The following ZFAND3 variants were observed in gnomAD, a reference collection of about 807,000 sequenced individuals.
ZFAND3 encodes zinc finger AN1-type containing 3.
In ZFAND3, 10 loss-of-function variants were observed where a neutral mutation model predicts 29.6. The ratio of observed to expected loss-of-function variants is 0.34; its 90% CI spans 0.21 to 0.57. ZFAND3 has a LOEUF of 0.57. Among genes scored for constraint, ZFAND3 ranks in the 20% least tolerant of loss-of-function variants. ZFAND3 has a pLI of 0.86. For synonymous variants in ZFAND3, 128 were observed against 112.6 expected (o/e 1.14, Z -0.87); for missense variants, 230 against 304.5 (o/e 0.76, Z 1.82).
At chr6:37,973,968 C>T (rs1163857332) in intron 2 of ZFAND3, among the ~76,000 whole-genome samples, 2 of 152,172 alleles carry the variant, frequency 1.3e-5, no homozygotes, top group Non-Finnish European at 2.9e-5. Context: ...AGTTTATTGC[C>T]TATCTGCAGG....
chr6:37,891,214 T>TTCATCTGTGTTGTAGCCTG (rs1278215270), intron 1 of ZFAND3, among the ~76,000 whole-genome samples: 2 of 152,204 alleles, frequency 1.3e-5, no homozygotes, highest in African/African-American at 4.8e-5. Flanking sequence ...GTTTTCTAAG[T>TTCATCTGTGTTGTAGCCTG]TCATCTGTGT....
rs1294051266 is a variant in ZFAND3 at position 37,854,963 on chromosome 6, TG to T, written c.71+34948del. 1.1e-4 allele frequency among the ~76,000 whole-genome samples: 13 copies of T among 119,868 alleles called. No individual in the cohort carries two copies. The East Asian group carries it at 1.3e-3, about 12-fold the overall frequency. The allele number at this position is 119,868 out of a possible 152,430, so 78.6% of individuals were successfully genotyped here. On this transcript the variant is annotated intron_variant, in intron 1 of 5. Transcript: ENST00000287218. ...AAGGTTACAGGAGAAAAATAATAGGTGTTTTTTTTTTTTTTTTTTTTTTGGT... is the reference window on the plus strand; with the variant it reads ...AAGGTTACAGGAGAAAAATAATAGGTTTTTTTTTTTTTTTTTTTTTTTGGT...
intron 1 of ZFAND3, among the ~76,000 whole-genome samples, chr6:37,874,835 A>T (rs1347746295): frequency 6.6e-6 from 1 of 152,146 alleles, no homozygotes; most frequent in Non-Finnish European, 1.5e-5. Context: ...TCAGCCTCCC[A>T]AAGTGCTGGT....
intron 2 of ZFAND3, among the ~76,000 whole-genome samples, chr6:38,033,019 G>C (rs1161394573): frequency 6.6e-6 from 1 of 152,038 alleles, no homozygotes; most frequent in Non-Finnish European, 1.5e-5. Context: ...GTTACTTTGT[G>C]GGCTAAAGCT....
chr6:37,919,219 A>C (rs1028294101), intron 1 of ZFAND3, among the ~76,000 whole-genome samples: 3 of 152,172 alleles, frequency 2.0e-5, no homozygotes, highest in African/African-American at 7.2e-5. Flanking sequence ...AAGTGCTGGG[A>C]TTACAGGCGT....
chr6:38,078,429 TAATA>T (rs1428365716), intron 3 of ZFAND3, among the ~76,000 whole-genome samples: 3 of 152,226 alleles, frequency 2.0e-5, no homozygotes, highest in Non-Finnish European at 4.4e-5. Flanking sequence ...GTTAGTCTGT[TAATA>T]AATATCTCCG....
At chr6:38,125,393 C>T (rs778458750) in intron 5 of ZFAND3, among the ~76,000 whole-genome samples, 17 of 152,180 alleles carry the variant, frequency 1.1e-4, no homozygotes, top group Non-Finnish European at 2.1e-4. Context: ...ACCCAGCCTA[C>T]CCTATGTTCT....
chr6:37,918,496 A>G (rs1380685908), intron 1 of ZFAND3, among the ~76,000 whole-genome samples: 3 of 152,216 alleles, frequency 2.0e-5, no homozygotes, highest in African/African-American at 4.8e-5. Context: ...TTGTAACTCT[A>G]TTATCTCCCA....
At chr6:38,113,472 A>C (rs1765358281) in intron 4 of ZFAND3, among the ~76,000 whole-genome samples, 1 of 152,206 alleles carries the variant, frequency 6.6e-6, no homozygotes, top group South Asian at 2.1e-4. Context: ...AGATCAAGGA[A>C]AATCTCAGCA....
chr6:37,875,221 C>T (rs147354413), intron 1 of ZFAND3, among the ~76,000 whole-genome samples: 4 of 152,130 alleles, frequency 2.6e-5, no homozygotes, highest in Admixed American at 1.3e-4. Context: ...CTCACCCTGG[C>T]CCCCCAATTG....
intron 2 of ZFAND3, among the ~76,000 whole-genome samples, chr6:37,941,984 A>T (rs912749052): frequency 6.6e-6 from 1 of 152,160 alleles, no homozygotes. Context: ...TCCATATTAC[A>T]ATCTAATTCC....
intron 1 of ZFAND3, among the ~76,000 whole-genome samples, chr6:37,926,957 C>T (rs1324021144): frequency 1.3e-5 from 2 of 152,204 alleles, no homozygotes; most frequent in African/African-American, 2.4e-5. Context: ...CCATGTGATC[C>T]AAGCTGGCAT....
chr6:38,039,935 G>A (rs1421730049), intron 2 of ZFAND3, among the ~76,000 whole-genome samples: 2 of 151,950 alleles, frequency 1.3e-5, no homozygotes, highest in African/African-American at 4.8e-5. Flanking sequence ...AAAGAAAGCC[G>A]ACTATTGTTC....
chr6:37,909,747 T>G (rs1396413844), intron 1 of ZFAND3, among the ~76,000 whole-genome samples: 2 of 151,974 alleles, frequency 1.3e-5, no homozygotes, highest in African/African-American at 4.8e-5. Flanking sequence ...TCTCAAAATG[T>G]TACATTCAAG....
rs1245537571 is a variant in ZFAND3, at chr6:38,140,916, C to T, written c.530-11319C>T. Among the ~76,000 whole-genome samples the T allele has an allele frequency of 2.0e-5, 3 of 152,304 alleles. No individual in the cohort carries two copies. The South Asian group carries it at 6.2e-4, about 32-fold the overall frequency. The stretch of plus-strand genomic sequence containing the variant: ...TGAATAAGCCTCTTCCCCTTCAGGG[C>T]AGGTGTTTTTAAATAAACTAACTTT... On this transcript the variant is annotated intron_variant, in intron 5 of 5. Transcript: ENST00000287218.
intron 1 of ZFAND3, among the ~76,000 whole-genome samples, chr6:37,838,197 T>C (rs1764004073): frequency 6.6e-6 from 1 of 152,250 alleles, no homozygotes; most frequent in South Asian, 2.1e-4. Context: ...TTTGGGATTA[T>C]CATTTTCTAG....
At chr6:37,944,910 A>C (rs1468442618) in intron 2 of ZFAND3, among the ~76,000 whole-genome samples, 1 of 152,118 alleles carries the variant, frequency 6.6e-6, no homozygotes, top group Non-Finnish European at 1.5e-5. Flanking sequence ...GTGCGAGCAT[A>C]CTCCAGACAG....
Position 37,819,727 on chromosome 6 carries a change from C to A in ZFAND3, c.-219C>A, listed in dbSNP as rs1467343286. The A allele has an allele frequency of 2.0e-5, 4 of 202,404 alleles. No homozygotes were observed. The highest frequency in any genetic ancestry group is 3.9e-5 in the Non-Finnish European group (4 of 103,402). 12.5% of individuals were successfully genotyped at this position (202,404 alleles called of 1,614,324 possible). A position where few individuals can be genotyped will look rare whatever the true frequency, so the allele number is the denominator to read the frequency against. ...TCTTCTCTCCGCGCCTCTCCGCCCC[C>A]TCCCCGTCTCCGCAGGCCGAGTGGT... On this transcript the variant is annotated 5_prime_UTR_variant, in exon 1 of 6. Transcript: ENST00000287218.
chr6:38,035,622 C>T (rs930203253), intron 2 of ZFAND3, among the ~76,000 whole-genome samples: 1 of 152,130 alleles, frequency 6.6e-6, no homozygotes, highest in East Asian at 1.9e-4. Flanking sequence ...TCTTATTGTA[C>T]TTAATACAAA....
Sources: gnomAD v4.1 joint callset for allele counts (sites outside exome capture counted in the v4.1 genomes callset) on GRCh38, gnomAD v4.1.1 for gene constraint, MANE v1.5 for transcripts, NCBI Gene and HGNC (gene_info 2026-07-23, HGNC 2026-07-21) for gene names.